FRMD4A: variants seen among roughly 807,000 people sequenced by gnomAD.
FRMD4A encodes the protein FERM domain containing 4A.
FRMD4A carries 29 observed loss-of-function variants against 129.1 expected under a neutral mutation model. The observed-to-expected ratio is 0.22, with a 90% confidence interval of 0.17 to 0.31. FRMD4A has a LOEUF of 0.31. Among genes scored for constraint, FRMD4A ranks in the 10% least tolerant of loss-of-function variants. The pLI is 1.00. For missense variants in FRMD4A, 1,272 were observed against 1,375.8 expected, an observed-to-expected ratio of 0.92 and a Z score of 1.19; for synonymous variants, 634 against 571.6, an observed-to-expected ratio of 1.11 and a Z score of -1.56.
intron 15 of FRMD4A, among the ~76,000 whole-genome samples, chr10:13,686,649 G>T (rs11258520): frequency 6.6e-6 from 1 of 152,128 alleles, no homozygotes; most frequent in African/African-American, 2.4e-5. Flanking sequence ...TTAAACCCAA[G>T]ATCCATCACC....
chr10:14,329,255 C>T (rs959466635), intron 2 of FRMD4A, among the ~76,000 whole-genome samples: 8 of 152,152 alleles, frequency 5.3e-5, no homozygotes, highest in African/African-American at 1.7e-4. Context: ...AGGCTACTTC[C>T]GACAACAGCC....
At chr10:13,819,419 C>T (rs1427086184) in intron 3 of FRMD4A, among the ~76,000 whole-genome samples, 1 of 152,160 alleles carries the variant, frequency 6.6e-6, no homozygotes, top group East Asian at 1.9e-4. Context: ...TGAAGCCCTC[C>T]CTGACCATCC....
chr10:13,763,548 A>C (rs1347862231), intron 6 of FRMD4A, among the ~76,000 whole-genome samples: 2 of 152,176 alleles, frequency 1.3e-5, no homozygotes, highest in Non-Finnish European at 2.9e-5. Context: ...ACTGTTACAC[A>C]GTGTAAGTTT....
intron 2 of FRMD4A, among the ~76,000 whole-genome samples, chr10:14,210,062 A>G (rs1842894450): frequency 2.0e-5 from 3 of 152,212 alleles, no homozygotes; most frequent in South Asian, 4.1e-4. Flanking sequence ...CAGAAAAGTG[A>G]GAGAAGAAAT....
At chr10:14,196,431 G>C (rs928270735) in intron 2 of FRMD4A, among the ~76,000 whole-genome samples, 5 of 152,182 alleles carry the variant, frequency 3.3e-5, no homozygotes, top group African/African-American at 1.2e-4. Flanking sequence ...TTATCCAACA[G>C]CTTTAGGGCA....
chr10:13,742,925 T>A (rs146574285), intron 9 of FRMD4A, among the ~76,000 whole-genome samples: 1 of 152,326 alleles, frequency 6.6e-6, no homozygotes, highest in Non-Finnish European at 1.5e-5. Flanking sequence ...GTTCTACACA[T>A]TCATCACCTA....
intron 15 of FRMD4A, among the ~76,000 whole-genome samples, chr10:13,680,652 G>A (rs796159931): frequency 2.0e-4 from 31 of 152,212 alleles, no homozygotes; most frequent in African/African-American, 6.7e-4. Context: ...CTTGAACCTC[G>A]GAGGCGGAGG....
intron 2 of FRMD4A, among the ~76,000 whole-genome samples, chr10:13,953,214 T>A (rs1299841989): frequency 6.6e-6 from 1 of 152,222 alleles, no homozygotes; most frequent in Admixed American, 6.5e-5. Flanking sequence ...CTCAGGTTGC[T>A]TTGCAGGAAC....
chr10:14,321,238 C>T (rs1242084204), intron 2 of FRMD4A, among the ~76,000 whole-genome samples: 2 of 151,620 alleles, frequency 1.3e-5, no homozygotes, highest in African/African-American at 2.4e-5. Flanking sequence ...GAGAAATACT[C>T]TATACTTATG....
chr10:13,924,589 A>G (rs560550196), intron 2 of FRMD4A, among the ~76,000 whole-genome samples: 1 of 151,082 alleles, frequency 6.6e-6, no homozygotes, highest in South Asian at 2.1e-4. Context: ...TTTTCACATT[A>G]CTCTCCATCC....
chr10:14,026,570 A>T (rs989038401), intron 2 of FRMD4A, among the ~76,000 whole-genome samples: 4 of 152,190 alleles, frequency 2.6e-5, no homozygotes, highest in African/African-American at 9.7e-5. Context: ...TGCTGAGATG[A>T]ATGTCTTCAA....
chr10:14,123,422 C>CAAG (rs1238320099), intron 2 of FRMD4A, among the ~76,000 whole-genome samples: 1 of 152,148 alleles, frequency 6.6e-6, no homozygotes, highest in Non-Finnish European at 1.5e-5. Flanking sequence ...GCCAGCTGGG[C>CAAG]AAGAGATAGC....
At chr10:14,059,310 A>G (rs769299989) in intron 2 of FRMD4A, among the ~76,000 whole-genome samples, 7 of 152,228 alleles carry the variant, frequency 4.6e-5, no homozygotes, top group African/African-American at 1.2e-4. Flanking sequence ...TGCTCCTTCA[A>G]TACAATTCCT....
chr10:13,770,028 A>G (rs1466089071), intron 6 of FRMD4A, among the ~76,000 whole-genome samples: 1 of 152,064 alleles, frequency 6.6e-6, no homozygotes, highest in Non-Finnish European at 1.5e-5. Flanking sequence ...CTTTCTGTAT[A>G]TCTATATATA....
At chr10:14,309,050 T>C (rs536701214) in intron 2 of FRMD4A, among the ~76,000 whole-genome samples, 2 of 152,292 alleles carry the variant, frequency 1.3e-5, no homozygotes, top group African/African-American at 2.4e-5. Context: ...TAAAAAGCAC[T>C]TTATGTAAGC....
chr10:14,318,240 C>T (rs77620056), intron 2 of FRMD4A, among the ~76,000 whole-genome samples: 2 of 152,022 alleles, frequency 1.3e-5, no homozygotes, highest in African/African-American at 4.8e-5. Context: ...ATGACCTCAG[C>T]CATGTTCATT....
intron 2 of FRMD4A, among the ~76,000 whole-genome samples, chr10:14,033,966 T>C (rs543633728): frequency 6.6e-6 from 1 of 152,316 alleles, no homozygotes; most frequent in African/African-American, 2.4e-5. Context: ...TGCATGGAGC[T>C]TGAGGCATTC....
In FRMD4A at chr10:14,128,040, CTTTCCCTCTTTCTTTCTTT is replaced by C. The variant is rs1564319907; in HGVS notation, c.45+201999_45+202017del. Among the ~76,000 whole-genome samples the C allele has an allele frequency of 1.5e-3, 181 of 123,716 alleles. 11 individuals carry two copies. Among genetic ancestry groups the C allele is most frequent in the Admixed American group, 0.011 (123 of 11,154 alleles). 81.2% of individuals were successfully genotyped at this position (123,716 alleles called of 152,430 possible). A position where few individuals can be genotyped will look rare whatever the true frequency, so the allele number is the denominator to read the frequency against. On this transcript the variant is annotated intron_variant, in intron 2 of 24. Transcript: ENST00000357447. ...CCTTCCTTCCTTCCTTCCTTCCTTT[CTTTCCCTCTTTCTTTCTTT>C]CTTTCTTTCTTTCTTTCTTTCTTTC...
chr10:14,084,557 C>T (rs1836142263), intron 2 of FRMD4A, among the ~76,000 whole-genome samples: 1 of 152,184 alleles, frequency 6.6e-6, no homozygotes, highest in Non-Finnish European at 1.5e-5. Flanking sequence ...GATGTCCTTT[C>T]CTGGAGTTAG....
Sources: gnomAD v4.1 joint callset for allele counts (sites outside exome capture counted in the v4.1 genomes callset) on GRCh38, gnomAD v4.1.1 for gene constraint, MANE v1.5 for transcripts, NCBI Gene and HGNC (gene_info 2026-07-23, HGNC 2026-07-21) for gene names.